The following INPP5A variants were observed in gnomAD, a reference collection of about 807,000 sequenced individuals.
The protein encoded by INPP5A is inositol polyphosphate-5-phosphatase A, also known as 43 kDa inositol polyphosphate 5-phophatase.
Under a neutral mutation model 65.2 loss-of-function variants are expected in INPP5A, and 14 were observed. The ratio of observed to expected loss-of-function variants is 0.21; its 90% CI spans 0.14 to 0.34. The LOEUF (loss-of-function observed/expected upper bound fraction) is 0.34. Among genes scored for constraint, INPP5A ranks in the 10% least tolerant of loss-of-function variants. The pLI, the probability that INPP5A is intolerant of heterozygous loss-of-function variation, is 1.00. For missense variants in INPP5A, 431 were observed against 545.6 expected (o/e 0.79, Z 2.09); for synonymous variants, 207 against 208.3 (o/e 0.99, Z 0.05).
chr10:132,756,147 T>C (rs1354686510), intron 11 of INPP5A, among the ~76,000 whole-genome samples: 1 of 151,978 alleles, frequency 6.6e-6, no homozygotes, highest in Non-Finnish European at 1.5e-5. Flanking sequence ...GGTCAGGAAT[T>C]GAAGAGAAAA....
chr10:132,671,396 C>T (rs142825756), intron 4 of INPP5A, among the ~76,000 whole-genome samples: 11,501 of 72,552 alleles, frequency 0.16, 35 homozygotes, highest in East Asian at 0.39. Flanking sequence ...CCTCCCTGCT[C>T]TGGACTCCGC....
chr10:132,650,584 G>A lies in INPP5A; in HGVS notation c.306+79G>A, dbSNP rs568148010. On this transcript the variant is annotated intron_variant, in intron 4 of 15. Coordinates refer to ENST00000368594, the MANE Select transcript of INPP5A (RefSeq NM_005539.5). This position sits in a 1 kb window ranked among gnomAD's most constrained non-coding sequence, Gnocchi z 5.5. ...AGCCAGCCCTTCTCCTGTGTAAATG[G>A]AGAGAGGTCGGGGTGCTCCCTGCCT... 2.3e-5 allele frequency: 24 copies of A among 1,037,078 alleles called. No homozygotes were observed. In the African/African-American group the frequency reaches 3.1e-4, roughly 14 times the overall value. 64.2% of individuals were successfully genotyped at this position (1,037,078 alleles called of 1,614,324 possible). A position where few individuals can be genotyped will look rare whatever the true frequency, so the allele number is the denominator to read the frequency against.
chr10:132,646,737 G>A (rs1036507834), intron 3 of INPP5A, among the ~76,000 whole-genome samples: 1 of 152,154 alleles, frequency 6.6e-6, no homozygotes, highest in Non-Finnish European at 1.5e-5. Flanking sequence ...CCCCAACATC[G>A]CAGAGCTTCA....
intron 6 of INPP5A, among the ~76,000 whole-genome samples, chr10:132,699,637 G>A (rs1054710566): frequency 2.6e-5 from 4 of 152,260 alleles, no homozygotes; most frequent in African/African-American, 9.6e-5. Flanking sequence ...GGTGGGGGCC[G>A]AGGTGTGTCC....
Position 132,678,850 on chromosome 10 carries a change from A to T in INPP5A, c.307-11542A>T, listed in dbSNP as rs1213905682. ...GCTGCTTGGAGGAGGCTGCATTTCCACAGAGACCTGAAGCAGCAGGGGGTC... is the reference window on the plus strand; with the variant it reads ...GCTGCTTGGAGGAGGCTGCATTTCCTCAGAGACCTGAAGCAGCAGGGGGTC... On this transcript the variant is annotated intron_variant, in intron 4 of 15. Transcript: ENST00000368594. This position sits in a 1 kb window ranked among gnomAD's most constrained non-coding sequence, Gnocchi z 4.1. 6.6e-6 allele frequency among the ~76,000 whole-genome samples: 1 copy of T among 152,062 alleles called. No homozygotes were observed. The highest frequency in any genetic ancestry group is 1.5e-5 in the Non-Finnish European group (1 of 68,038).
At chr10:132,752,702 C>T (rs1245798087) in intron 11 of INPP5A, among the ~76,000 whole-genome samples, 2 of 105,654 alleles carry the variant, frequency 1.9e-5, no homozygotes, top group Non-Finnish European at 3.9e-5. Context: ...GGAGGGGGTG[C>T]GGCGTGGAGG....
intron 4 of INPP5A, among the ~76,000 whole-genome samples, chr10:132,688,875 AGT>A (rs1277971038): frequency 1.3e-5 from 2 of 150,390 alleles, no homozygotes; most frequent in African/African-American, 5.0e-5. Flanking sequence ...TTAGTGCATG[AGT>A]GTATGAGTGC....
chr10:132,601,013 T>C (rs1293368089), intron 1 of INPP5A, among the ~76,000 whole-genome samples: 1 of 152,232 alleles, frequency 6.6e-6, no homozygotes, highest in Non-Finnish European at 1.5e-5. Flanking sequence ...GCAGTGGAAT[T>C]GCTTCACTGT....
At chr10:132,629,066 A>G (rs1327364048) in intron 2 of INPP5A, among the ~76,000 whole-genome samples, 2 of 152,220 alleles carry the variant, frequency 1.3e-5, no homozygotes, top group Non-Finnish European at 2.9e-5. Context: ...GCTGCCAGGT[A>G]GTGCCCCTTC....
intron 1 of INPP5A, among the ~76,000 whole-genome samples, chr10:132,580,612 A>G (rs1470768813): frequency 6.6e-6 from 1 of 152,196 alleles, no homozygotes; most frequent in East Asian, 1.9e-4. Context: ...AGAGATCATC[A>G]ACTTCAGCCC....
At chr10:132,749,481 C>G in intron 9 of INPP5A, 36 bp from the exon 10 acceptor site, 2 of 1,595,388 alleles carry the variant, frequency 1.3e-6, no homozygotes, top group South Asian at 1.1e-5. Flanking sequence ...CAGGTGGGCC[C>G]CCCTGGGACT....
intron 7 of INPP5A, among the ~76,000 whole-genome samples, chr10:132,709,547 G>A (rs553900596): frequency 6.6e-6 from 1 of 152,214 alleles, no homozygotes; most frequent in South Asian, 2.1e-4. Flanking sequence ...GCATGGTGTG[G>A]GGGCACATGG....
intron 13 of INPP5A, among the ~76,000 whole-genome samples, chr10:132,779,254 G>T (rs1847117493): frequency 1.3e-5 from 2 of 152,262 alleles, no homozygotes; most frequent in African/African-American, 4.8e-5. Flanking sequence ...CTCTGGCTGG[G>T]CTCACTGGTA....
intron 6 of INPP5A, among the ~76,000 whole-genome samples, chr10:132,699,366 G>C: frequency 6.6e-6 from 1 of 150,458 alleles, no homozygotes; most frequent in Non-Finnish European, 1.5e-5. Flanking sequence ...CTGGGGTGGG[G>C]GGGGGCTGGG....
rs1251043282 is a variant in INPP5A at position 132,650,950 on chromosome 10, G to T, written c.306+445G>T. ...GTGTGCAGGGCTGGGGCGGTGTCCT[G>T]CCTCGGAGAGAGGCTGTTCCTCAGG... is the stretch of plus-strand genomic sequence containing the variant. On this transcript the variant is annotated intron_variant, in intron 4 of 15. Transcript: ENST00000368594. The surrounding 1 kb of genome is among the most constrained non-coding windows in gnomAD (Gnocchi z 5.5). 1.3e-5 allele frequency among the ~76,000 whole-genome samples: 2 copies of T among 152,224 alleles called. No homozygotes were observed. The highest frequency in any genetic ancestry group is 2.9e-5 in the Non-Finnish European group (2 of 68,020).
intron 1 of INPP5A, among the ~76,000 whole-genome samples, chr10:132,544,751 C>A (rs187300144): frequency 6.6e-6 from 1 of 152,162 alleles, no homozygotes; most frequent in African/African-American, 2.4e-5. Context: ...CCTCTCCCTC[C>A]GGCCCTGGCA....
At chr10:132,642,884 C>T (rs112714570) in intron 2 of INPP5A, among the ~76,000 whole-genome samples, 3,015 of 152,240 alleles carry the variant, frequency 0.02, 48 homozygotes, top group Non-Finnish European at 0.027. Flanking sequence ...TTTTCTGTCA[C>T]GTGCTTGAAA....
chr10:132,562,969 G>T (rs929860398), intron 1 of INPP5A, among the ~76,000 whole-genome samples: 6 of 152,246 alleles, frequency 3.9e-5, no homozygotes, highest in African/African-American at 1.4e-4. Context: ...CATGCCGGCT[G>T]CTCTGCAGAG....
At chr10:132,775,256 A>T (rs1026385527) in intron 12 of INPP5A, among the ~76,000 whole-genome samples, 1 of 150,800 alleles carries the variant, frequency 6.6e-6, no homozygotes, top group African/African-American at 2.4e-5. Flanking sequence ...AGAGGCTAGC[A>T]CAGGAGTACG....
Sources: allele counts gnomAD v4.1 joint callset (sites outside exome capture counted in the v4.1 genomes callset), GRCh38; gene constraint gnomAD v4.1.1; non-coding constraint Gnocchi (gnomAD v3.1); transcripts MANE v1.5; gene names NCBI Gene and HGNC (gene_info 2026-07-23, HGNC 2026-07-21).